Variants in SIKE1 observed in about 807,000 individuals in gnomAD.
SIKE1 encodes the protein suppressor of IKBKE 1, also known as suppressor of IKK epsilon.
A neutral mutation model predicts 25.8 loss-of-function variants in SIKE1; 13 were observed. The ratio of observed to expected loss-of-function variants is 0.50; its 90% CI spans 0.33 to 0.80. The LOEUF is 0.80. SIKE1 is among the 30% of genes least tolerant of loss of function. The probability of loss-of-function intolerance (pLI) is 0.02; values close to 1 mark genes in which losing one functional copy is unlikely to be tolerated. For synonymous variants in SIKE1, 86 were observed against 95.5 expected, an observed-to-expected ratio of 0.90 and a Z score of 0.58; for missense variants, 222 against 252.4, an observed-to-expected ratio of 0.88 and a Z score of 0.82.
Position 114,779,384 on chromosome 1 carries a change from G to A in SIKE1, c.266-100C>T, listed in dbSNP as rs1206145581. The A allele has an allele frequency of 2.5e-6, 3 of 1,200,022 alleles. No homozygotes were observed. The Admixed American group carries it at 7.1e-5, about 28-fold the overall frequency. The allele number at this position is 1,200,022 out of a possible 1,614,324, so 74.3% of individuals were successfully genotyped here. On this transcript the variant is annotated intron_variant, in intron 2 of 4. Coordinates refer to ENST00000060969, the MANE Select transcript of SIKE1 (RefSeq NM_025073.3). ...TTTTGTAACACTATATAGATAATATGAATCTAAAGTTGTAAATCAATGTTT... is the reference window on the plus strand; with the variant it reads ...TTTTGTAACACTATATAGATAATATAAATCTAAAGTTGTAAATCAATGTTT...
At chr1:114,775,396 A>G (rs1662183458) in intron 4 of SIKE1, among the ~76,000 whole-genome samples, 1 of 151,820 alleles carries the variant, frequency 6.6e-6, no homozygotes, top group Non-Finnish European at 1.5e-5. Context: ...TATCCCTTCC[A>G]CTAGACTCTG....
rs776248673 is a variant in SIKE1, at chr1:114,776,348, C to G, written c.520G>C (p.Glu174Gln). ...ACCTAAATTAGCTACAATCTTACCT[C>G]TAATTGGGCTAATTTTTCCTGAATC... The part of the protein sequence containing the change: ...CKIQEKLAQL[E>Q]LENKELRELL... The change falls in exon 4 of 5, where the codon GAG becomes CAG. Residue 174 changes from glutamate to glutamine, a missense_variant and splice_region_variant. By Grantham distance (29) the Glu-to-Gln change is conservative. Transcript: ENST00000060969. 5 of 1,593,310 alleles carry G rather than the reference C, an allele frequency of 3.1e-6. No homozygotes were observed. Among genetic ancestry groups the G allele is most frequent in the East Asian group, 2.2e-5 (1 of 44,736 alleles).
Position 114,774,119 on chromosome 1 carries a change from C to T in SIKE1, c.*152G>A, listed in dbSNP as rs544353939. 6 of 527,218 alleles carry T rather than the reference C, an allele frequency of 1.1e-5. No homozygotes were observed. Among genetic ancestry groups the T allele is most frequent in the South Asian group, 6.4e-5 (2 of 31,470 alleles). 32.7% of individuals were successfully genotyped at this position (527,218 alleles called of 1,614,324 possible). ...TAACACATCTGAGAACTGTGGACAG[C>T]CAATATTGACTGGAATTCTAAATTG... On this transcript the variant is annotated 3_prime_UTR_variant, in exon 5 of 5. Coordinates refer to ENST00000060969, the MANE Select transcript of SIKE1 (RefSeq NM_025073.3).
rs1662096533 is a variant in SIKE1 at position 114,772,487 on chromosome 1, G to A, written c.*1784C>T. 6.6e-6 allele frequency: 1 copy of A among 152,146 alleles called. No homozygotes were observed. Among genetic ancestry groups the A allele is most frequent in the Admixed American group, 6.5e-5 (1 of 15,274 alleles). The allele number at this position is 152,146 out of a possible 1,614,324, so 9.4% of individuals were successfully genotyped here. A position where few individuals can be genotyped will look rare whatever the true frequency, so the allele number is the denominator to read the frequency against. ...TTTAATTTTGCAGGGGGAAAAGTTA[G>A]TATGTCGATTTATCCTAACACTTGA... On this transcript the variant is annotated 3_prime_UTR_variant, in exon 5 of 5. Coordinates refer to ENST00000060969, the MANE Select transcript of SIKE1 (RefSeq NM_025073.3).
intron 4 of SIKE1, among the ~76,000 whole-genome samples, chr1:114,775,158 T>TCTAGAGAGGGTTTCTAGAGAG (rs1256751954): frequency 6.6e-6 from 1 of 152,210 alleles, no homozygotes; most frequent in Non-Finnish European, 1.5e-5. Flanking sequence ...TCACTACCTT[T>TCTAGAGAGGGTTTCTAGAGAG]GATTTCTAGA....
At chr1:114,777,738 AAT>A (rs1272409264) in intron 3 of SIKE1, among the ~76,000 whole-genome samples, 1 of 152,210 alleles carries the variant, frequency 6.6e-6, no homozygotes, top group African/African-American at 2.4e-5. Flanking sequence ...CGATGCAAGC[AAT>A]GTTATTTTCA....
intron 3 of SIKE1, among the ~76,000 whole-genome samples, chr1:114,777,594 A>T (rs994180581): frequency 2.0e-5 from 3 of 152,210 alleles, no homozygotes; most frequent in African/African-American, 7.2e-5. Flanking sequence ...CTGTAATTGC[A>T]GAGAATAAAT....
intron 4 of SIKE1, 51 bp from the exon 5 acceptor site, chr1:114,774,423 A>G: frequency 8.1e-7 from 1 of 1,231,752 alleles, no homozygotes; most frequent in South Asian, 1.3e-5. Context: ...GTCCAACTGC[A>G]TTACAACAAC....
At chr1:114,780,320 C>A in intron 1 of SIKE1, 105 bp from the exon 2 acceptor site, 1 of 1,581,914 alleles carries the variant, frequency 6.3e-7, no homozygotes, top group Non-Finnish European at 8.7e-7. Flanking sequence ...AGCCCCGACC[C>A]AGGAAAATGG....
At chr1:114,774,524 T>A in intron 4 of SIKE1, 152 bp from the exon 5 acceptor site, 1 of 549,158 alleles carries the variant, frequency 1.8e-6, no homozygotes, top group South Asian at 2.5e-5. Flanking sequence ...TTTCCTTAAA[T>A]ACTACTTTAT....
intron 2 of SIKE1, 28 bp from the exon 3 acceptor site, chr1:114,779,312 T>C: frequency 6.2e-7 from 1 of 1,611,344 alleles, no homozygotes; most frequent in Non-Finnish European, 8.5e-7. Flanking sequence ...AACTTGGCAG[T>C]GATGTCTGAG....
At position 114,774,025 on chromosome 1, in the gene SIKE1, C is replaced by CCAGAAAT; in HGVS notation, c.*239_*245dup. ...AACATAGTTTATATAAATCAAGGTC[C>CCAGAAAT]CAGAAATGAAAATTAAAAGTAGTCT... On this transcript the variant is annotated 3_prime_UTR_variant, in exon 5 of 5. Transcript: ENST00000060969. The CCAGAAAT allele has an allele frequency of 3.2e-6, 1 of 312,426 alleles. No homozygotes were observed. Among genetic ancestry groups the CCAGAAAT allele is most frequent in the Non-Finnish European group, 5.8e-6 (1 of 171,542 alleles). 19.4% of individuals were successfully genotyped at this position (312,426 alleles called of 1,614,324 possible). A position where few individuals can be genotyped will look rare whatever the true frequency, so the allele number is the denominator to read the frequency against.
At chr1:114,778,971 G>T in intron 3 of SIKE1, 171 bp downstream of exon 3, 1 of 701,888 alleles carries the variant, frequency 1.4e-6, no homozygotes, top group Non-Finnish European at 2.4e-6. Context: ...GTGAGACGAT[G>T]GCTTGAGCCC....
rs752578500 is a variant in SIKE1 at position 114,779,167 on chromosome 1, A to G, written c.383T>C (p.Leu128Pro). ...AKKAVDAEPV[L>P]KAHQSHSAEI... ...TGCAGAGTGAGACTGGTGAGCTTTCAGGACTGGTTCAGCATCCACCGCTTT... is the reference window on the plus strand; with the variant it reads ...TGCAGAGTGAGACTGGTGAGCTTTCGGGACTGGTTCAGCATCCACCGCTTT... Residue 128 changes from leucine (L) to proline (P), a missense_variant, in exon 3 of 5, where the codon CTG (leucine) becomes CCG (proline). By Grantham distance (98) the Leu-to-Pro change is moderately conservative. Transcript: ENST00000060969. The G allele has an allele frequency of 6.2e-7, 1 of 1,614,110 alleles. No individual in the cohort carries two copies. Among genetic ancestry groups the G allele is most frequent in the East Asian group, 2.2e-5 (1 of 44,902 alleles).
rs376104437 is a variant in SIKE1, at chr1:114,774,080, T to C, written c.*191A>G. ...GAGAAAGGAATGGTGAAATTCAGCA[T>C]GTAGTATTCACATTAACACATCTGA... On this transcript the variant is annotated 3_prime_UTR_variant, in exon 5 of 5. Transcript: ENST00000060969. 3 of 391,856 alleles carry C rather than the reference T, an allele frequency of 7.7e-6. No individual in the cohort carries two copies. 24.3% of individuals were successfully genotyped at this position (391,856 alleles called of 1,614,324 possible). A position where few individuals can be genotyped will look rare whatever the true frequency, so the allele number is the denominator to read the frequency against.
At chr1:114,777,134 G>A (rs1662265840) in intron 3 of SIKE1, among the ~76,000 whole-genome samples, 1 of 152,160 alleles carries the variant, frequency 6.6e-6, no homozygotes, top group South Asian at 2.1e-4. Flanking sequence ...ATAGCATTAG[G>A]AGGAATACCT....
chr1:114,779,905 C>T (rs1463448094), intron 2 of SIKE1, among the ~76,000 whole-genome samples: 1 of 152,188 alleles, frequency 6.6e-6, no homozygotes, highest in Non-Finnish European at 1.5e-5. Flanking sequence ...CAACTCTACA[C>T]AGCACCTCTT....
Position 114,773,165 on chromosome 1 carries a change from G to C in SIKE1, c.*1106C>G, listed in dbSNP as rs1042556564. On this transcript the variant is annotated 3_prime_UTR_variant, in exon 5 of 5. Coordinates refer to ENST00000060969, the MANE Select transcript of SIKE1 (RefSeq NM_025073.3). ...TAAACTGGGACGGGAATGAGTTGAT[G>C]AGTGAACCCAGTTGACCACTGGGCA... 1 of 152,144 alleles carries C rather than the reference G, an allele frequency of 6.6e-6. No individual in the cohort carries two copies. Among genetic ancestry groups the C allele is most frequent in the African/African-American group, 2.4e-5 (1 of 41,440 alleles). The allele number at this position is 152,144 out of a possible 1,614,324, so 9.4% of individuals were successfully genotyped here.
intron 3 of SIKE1, among the ~76,000 whole-genome samples, chr1:114,777,978 TTATC>T (rs1489934816): frequency 1.3e-5 from 2 of 152,208 alleles, no homozygotes; most frequent in Non-Finnish European, 2.9e-5. Flanking sequence ...CTTAGAAAGT[TTATC>T]TATCTGAGTA....
Sources: allele counts gnomAD v4.1 joint callset (sites outside exome capture counted in the v4.1 genomes callset), GRCh38; gene constraint gnomAD v4.1.1; transcripts MANE v1.5; gene names NCBI Gene and HGNC (gene_info 2026-07-23, HGNC 2026-07-21).